Variants in PODXL2 observed in about 807,000 individuals in gnomAD.
The protein encoded by PODXL2 is podocalyxin like 2, also known as podocalyxin-like protein 2.
Under a neutral mutation model 53.4 loss-of-function variants are expected in PODXL2, and 17 were observed. The ratio of observed to expected loss-of-function variants is 0.32; its 90% CI spans 0.22 to 0.48. The LOEUF (loss-of-function observed/expected upper bound fraction) is 0.48, where lower values mean the gene tolerates loss of function less well. Among genes scored for constraint, PODXL2 ranks in the 20% least tolerant of loss-of-function variants. PODXL2 has a pLI of 0.99. For missense variants in PODXL2, 673 were observed against 760.0 expected, an observed-to-expected ratio of 0.89 and a Z score of 1.35; for synonymous variants, 311 against 306.7, an observed-to-expected ratio of 1.01 and a Z score of -0.15.
At chr3:127,633,345 T>G (rs560724485) in intron 1 of PODXL2, among the ~76,000 whole-genome samples, 1 of 152,360 alleles carries the variant, frequency 6.6e-6, no homozygotes, top group Non-Finnish European at 1.5e-5. Context: ...TCCTGGAGCA[T>G]CCACAAGATG....
At chr3:127,639,022 A>C (rs2074596579) in intron 1 of PODXL2, among the ~76,000 whole-genome samples, 1 of 152,190 alleles carries the variant, frequency 6.6e-6, no homozygotes, top group Non-Finnish European at 1.5e-5. Flanking sequence ...GCCTGTCTCC[A>C]TCTGTCTCCC....
intron 2 of PODXL2, 64 bp from the exon 3 acceptor site, chr3:127,660,314 G>T: frequency 6.4e-7 from 1 of 1,569,368 alleles, no homozygotes; most frequent in East Asian, 2.3e-5. Context: ...CATCTGCCCA[G>T]TAAATACTGA....
chr3:127,664,916 C>G (rs1389690633), intron 4 of PODXL2, among the ~76,000 whole-genome samples: 1 of 152,126 alleles, frequency 6.6e-6, no homozygotes, highest in Admixed American at 6.6e-5. Flanking sequence ...TTGCCAGATT[C>G]ACCACTTGTT....
chr3:127,665,560 T>G (rs1408960876), intron 4 of PODXL2, among the ~76,000 whole-genome samples: 5 of 152,182 alleles, frequency 3.3e-5, no homozygotes, highest in South Asian at 4.1e-4. Flanking sequence ...AGAGGTGGTG[T>G]TTTTGAGTTC....
chr3:127,667,344 C>T (rs1410927561), intron 4 of PODXL2, among the ~76,000 whole-genome samples: 4 of 152,166 alleles, frequency 2.6e-5, no homozygotes, highest in Admixed American at 2.0e-4. Flanking sequence ...GTGAGATGCT[C>T]GTGCCTCCCA....
chr3:127,668,054 T>TA (rs1336952112), intron 4 of PODXL2, among the ~76,000 whole-genome samples: 1 of 152,044 alleles, frequency 6.6e-6, no homozygotes, highest in Non-Finnish European at 1.5e-5. Context: ...CCATAGGCCT[T>TA]ACCACTCTGT....
intron 4 of PODXL2, chr3:127,665,935 T>C (rs1367786169): frequency 2.1e-6 from 1 of 471,596 alleles, no homozygotes; most frequent in Non-Finnish European, 4.3e-6. Flanking sequence ...ATTTAGAAAC[T>C]AAGATCTGGG....
intron 1 of PODXL2, among the ~76,000 whole-genome samples, chr3:127,636,312 A>G (rs1388407046): frequency 1.3e-5 from 2 of 152,194 alleles, no homozygotes; most frequent in African/African-American, 2.4e-5. Flanking sequence ...GCTTTCTTCT[A>G]TAATATTCGG....
At chr3:127,667,062 C>T (rs1262531175) in intron 4 of PODXL2, among the ~76,000 whole-genome samples, 1 of 152,246 alleles carries the variant, frequency 6.6e-6, no homozygotes, top group Non-Finnish European at 1.5e-5. Context: ...TAAGAACCAT[C>T]ACAGAACTAG....
At chr3:127,640,332 TTGG>T (rs199688920) in intron 2 of PODXL2, among the ~76,000 whole-genome samples, 2,308 of 152,334 alleles carry the variant, frequency 0.015, 66 homozygotes, top group African/African-American at 0.052. Context: ...GTAATATTTA[TTGG>T]ATTTACCTTT....
intron 7 of PODXL2, 114 bp downstream of exon 7, chr3:127,671,727 G>C: frequency 2.0e-6 from 2 of 1,024,152 alleles, no homozygotes; most frequent in Non-Finnish European, 2.9e-6. Context: ...GGGTCCCGTG[G>C]GTGAAGCAGC....
chr3:127,666,585 T>C (rs2074796041), intron 4 of PODXL2, among the ~76,000 whole-genome samples: 2 of 152,282 alleles, frequency 1.3e-5, no homozygotes, highest in South Asian at 4.1e-4. Context: ...TTTTTTTGCA[T>C]TTTTTGTAGA....
Position 127,662,277 on chromosome 3 carries a change from A to G in PODXL2, c.1172A>G (p.Tyr391Cys). 6.2e-7 allele frequency: 1 copy of G among 1,614,090 alleles called. No homozygotes were observed. The highest frequency in any genetic ancestry group is 1.1e-5 in the South Asian group (1 of 91,084). Residue 391 changes from tyrosine (Y) to cysteine (C), a missense_variant, in exon 4 of 8, where the codon TAC becomes TGC. Tyr to Cys is a radical substitution (Grantham distance 194). Coordinates refer to ENST00000342480, the MANE Select transcript of PODXL2 (RefSeq NM_015720.4). ...TGGAGCAATCTGGCTGGGAAAAACT[A>G]CATCATTCTGAACATGACAGAGAAC... ...KDWSNLAGKN[Y>C]IILNMTENID...
intron 1 of PODXL2, among the ~76,000 whole-genome samples, chr3:127,632,755 G>A (rs2074554752): frequency 6.6e-6 from 1 of 152,182 alleles, no homozygotes; most frequent in Non-Finnish European, 1.5e-5. Context: ...ATTTTCCTGA[G>A]GGCAAAGCCT....
chr3:127,646,055 G>A (rs748145487), intron 2 of PODXL2, among the ~76,000 whole-genome samples: 1 of 152,174 alleles, frequency 6.6e-6, no homozygotes, highest in Non-Finnish European at 1.5e-5. Context: ...CTGCAGACAG[G>A]CCAATCTCAG....
chr3:127,655,002 G>A (rs1336853431), intron 2 of PODXL2, among the ~76,000 whole-genome samples: 1 of 152,132 alleles, frequency 6.6e-6, no homozygotes, highest in African/African-American at 2.4e-5. Flanking sequence ...GAGTGCAGTG[G>A]TGCAATCTCG....
intron 6 of PODXL2, among the ~76,000 whole-genome samples, 180 bp from the exon 7 acceptor site, chr3:127,671,254 G>C (rs1294462435): frequency 6.6e-6 from 1 of 152,106 alleles, no homozygotes; most frequent in Non-Finnish European, 1.5e-5. Flanking sequence ...GGTGTACTGA[G>C]GCAAACGGGA....
intron 4 of PODXL2, among the ~76,000 whole-genome samples, chr3:127,665,663 A>G (rs541816746): frequency 6.6e-6 from 1 of 152,238 alleles, no homozygotes; most frequent in Non-Finnish European, 1.5e-5. Context: ...AAGGACAAGG[A>G]GGAGAAATAT....
chr3:127,630,063 G>A (rs2074533541), intron 1 of PODXL2, among the ~76,000 whole-genome samples: 1 of 152,170 alleles, frequency 6.6e-6, no homozygotes, highest in Non-Finnish European at 1.5e-5. Context: ...CTGCCTGAGA[G>A]AGAAAGAGAC....
Sources: allele counts gnomAD v4.1 joint callset (sites outside exome capture counted in the v4.1 genomes callset), GRCh38; gene constraint gnomAD v4.1.1; transcripts MANE v1.5; gene names NCBI Gene and HGNC (gene_info 2026-07-23, HGNC 2026-07-21).